Variants in ADAMTSL3 observed in about 807,000 individuals in gnomAD.
ADAMTSL3 encodes ADAMTS like 3, also known as ADAMTS-like protein 3.
In ADAMTSL3, 128 loss-of-function variants were observed where a neutral mutation model predicts 201.7. The ratio of observed to expected loss-of-function variants is 0.63; its 90% CI spans 0.55 to 0.73. The LOEUF is 0.73. ADAMTSL3 is among the 30% of genes least tolerant of loss of function. The pLI is 0.00. For synonymous variants in ADAMTSL3, 738 were observed against 748.4 expected (o/e 0.99, Z 0.23); for missense variants, 1,990 against 2,119.6 (o/e 0.94, Z 1.20).
chr15:84,020,557 C>T (rs1203768983), intron 25 of ADAMTSL3, among the ~76,000 whole-genome samples: 1 of 152,076 alleles, frequency 6.6e-6, no homozygotes, highest in Non-Finnish European at 1.5e-5. Flanking sequence ...CTTCAAAAAT[C>T]AGAAGGAAAA....
rs902022135 is a variant in ADAMTSL3 at position 83,790,965 on chromosome 15, G to T, written c.318-13685G>T. 4.6e-5 allele frequency among the ~76,000 whole-genome samples: 7 copies of T among 152,178 alleles called. No homozygotes were observed. The East Asian group carries it at 1.2e-3, about 25-fold the overall frequency. On this transcript the variant is annotated intron_variant, in intron 4 of 29. Coordinates refer to ENST00000286744, the MANE Select transcript of ADAMTSL3 (RefSeq NM_207517.3). ...AACAGAACATGTATAGGACTTGTACGCCTAATACTGCAATGTGCTAATGAA... is the reference window on the plus strand; with the variant it reads ...AACAGAACATGTATAGGACTTGTACTCCTAATACTGCAATGTGCTAATGAA...
chr15:83,812,735 A>G (rs950269761), intron 5 of ADAMTSL3, among the ~76,000 whole-genome samples: 2 of 152,238 alleles, frequency 1.3e-5, no homozygotes, highest in Non-Finnish European at 2.9e-5. Flanking sequence ...GTTGTTGTCT[A>G]TACGTGTTGA....
intron 4 of ADAMTSL3, among the ~76,000 whole-genome samples, chr15:83,786,269 G>A (rs1159834838): frequency 2.6e-5 from 4 of 152,056 alleles, no homozygotes; most frequent in Admixed American, 6.6e-5. Flanking sequence ...TAGCCACCAC[G>A]CCTGGTTTGA....
At chr15:83,711,538 C>T (rs189545176) in intron 3 of ADAMTSL3, among the ~76,000 whole-genome samples, 28 of 152,262 alleles carry the variant, frequency 1.8e-4, no homozygotes, top group Non-Finnish European at 2.2e-4. Flanking sequence ...TAAGTAATCT[C>T]GGTCAAATGT....
chr15:83,896,548 C>T (rs917497427), intron 13 of ADAMTSL3, among the ~76,000 whole-genome samples: 7 of 151,974 alleles, frequency 4.6e-5, no homozygotes, highest in Admixed American at 2.6e-4. Flanking sequence ...AGGGGTTCAT[C>T]GGTTGGAACA....
chr15:83,847,107 T>C (rs997436593), intron 7 of ADAMTSL3, among the ~76,000 whole-genome samples: 8 of 152,208 alleles, frequency 5.3e-5, no homozygotes, highest in Admixed American at 2.0e-4. Context: ...CATTTGCAGA[T>C]TGAGCAATCA....
At chr15:83,942,873 C>T (rs745415705) in intron 18 of ADAMTSL3, 30 bp from the exon 19 acceptor site, 1 of 1,606,964 alleles carries the variant, frequency 6.2e-7, no homozygotes, top group Admixed American at 1.7e-5. Context: ...TGGGCCAAGC[C>T]TGCCGCCTCA....
intron 4 of ADAMTSL3, among the ~76,000 whole-genome samples, chr15:83,789,705 T>C (rs1275070670): frequency 6.6e-6 from 1 of 152,184 alleles, no homozygotes; most frequent in Non-Finnish European, 1.5e-5. Flanking sequence ...TTGTATTTAA[T>C]CCCTGTTTTC....
Position 83,899,530 on chromosome 15 carries a change from T to TG in ADAMTSL3, c.1616-116dup, listed in dbSNP as rs1393832324. 9 of 969,886 alleles carry TG rather than the reference T, an allele frequency of 9.3e-6. No homozygotes were observed. In the African/African-American group the frequency reaches 1.5e-4, roughly 16 times the overall value. 60.1% of individuals were successfully genotyped at this position (969,886 alleles called of 1,614,324 possible). On this transcript the variant is annotated intron_variant, in intron 14 of 29. Coordinates refer to ENST00000286744, the MANE Select transcript of ADAMTSL3 (RefSeq NM_207517.3). ...ATGTATTGTACTAAGGAACTCAACT[T>TG]GCATTTGAAAAACATGACCTCTTTA...
intron 8 of ADAMTSL3, among the ~76,000 whole-genome samples, chr15:83,868,736 A>T (rs558240708): frequency 7.8e-4 from 119 of 152,234 alleles, no homozygotes; most frequent in Non-Finnish European, 1.6e-3. Context: ...TTAGTGGAGA[A>T]GCAGAGTGGT....
intron 4 of ADAMTSL3, among the ~76,000 whole-genome samples, chr15:83,781,651 A>G (rs2063170684): frequency 2.6e-5 from 4 of 152,182 alleles, no homozygotes; most frequent in African/African-American, 9.6e-5. Context: ...GAAACTATCA[A>G]TAGAGTGAAC....
intron 5 of ADAMTSL3, among the ~76,000 whole-genome samples, chr15:83,812,425 G>A (rs920883194): frequency 3.3e-5 from 5 of 152,134 alleles, no homozygotes; most frequent in African/African-American, 1.2e-4. Flanking sequence ...GTGATTCTAA[G>A]ATGAGGAGTT....
intron 3 of ADAMTSL3, among the ~76,000 whole-genome samples, chr15:83,742,999 G>C (rs951354721): frequency 2.0e-5 from 3 of 152,008 alleles, no homozygotes; most frequent in Admixed American, 1.3e-4. Flanking sequence ...ATATTTGCCT[G>C]TTTCTGTGTG....
In ADAMTSL3 at chr15:83,828,338, G is replaced by A. The variant is rs551967086; in HGVS notation, c.600+8291G>A. On this transcript the variant is annotated intron_variant, in intron 6 of 29. Transcript: ENST00000286744. ...TTTGGCTCTCTGTTAGTCTGTTATT[G>A]GTGTATAAGAATGCTTGTGATTTTT... 8.5e-5 allele frequency among the ~76,000 whole-genome samples: 13 copies of A among 152,254 alleles called. No individual in the cohort carries two copies. The East Asian group carries it at 1.9e-3, about 23-fold the overall frequency.
chr15:84,009,667 A>T (rs918818295), intron 23 of ADAMTSL3, among the ~76,000 whole-genome samples: 2 of 152,220 alleles, frequency 1.3e-5, no homozygotes, highest in African/African-American at 4.8e-5. Context: ...CTGTGCTTAC[A>T]TTCATAATTG....
At chr15:83,929,781 C>G (rs1304361761) in intron 17 of ADAMTSL3, among the ~76,000 whole-genome samples, 1 of 151,412 alleles carries the variant, frequency 6.6e-6, no homozygotes, top group African/African-American at 2.4e-5. Context: ...GAGACAGAGA[C>G]AGACACACAC....
At chr15:83,716,079 T>A (rs2062013786) in intron 3 of ADAMTSL3, among the ~76,000 whole-genome samples, 1 of 152,196 alleles carries the variant, frequency 6.6e-6, no homozygotes, top group Non-Finnish European at 1.5e-5. Flanking sequence ...GTCAGAACAA[T>A]CTAGAGTGAG....
intron 21 of ADAMTSL3, among the ~76,000 whole-genome samples, chr15:83,985,863 C>T (rs1272332470): frequency 6.6e-6 from 1 of 152,108 alleles, no homozygotes; most frequent in Non-Finnish European, 1.5e-5. Context: ...CTCCTGACCT[C>T]AAGTGATCCA....
Position 83,892,757 on chromosome 15 carries a change from G to A in ADAMTSL3, c.1336G>A (p.Val446Ile), listed in dbSNP as rs762843148. The change falls in exon 13 of 30, where the codon GTA (valine) becomes ATA (isoleucine). Residue 446 changes from valine to isoleucine, a missense_variant. Coordinates refer to ENST00000286744, the MANE Select transcript of ADAMTSL3 (RefSeq NM_207517.3). ...GGIQRRSFVC[V>I]EESMHGEILQ... ...GATTCAGAGACGGAGCTTTGTGTGT[G>A]TAGAGGAATCCATGCATGGAGAGAT... 6.2e-6 allele frequency: 10 copies of A among 1,614,016 alleles called. No individual in the cohort carries two copies. The highest frequency in any genetic ancestry group is 8.5e-6 in the Non-Finnish European group (10 of 1,180,018).
Sources: allele counts gnomAD v4.1 joint callset (sites outside exome capture counted in the v4.1 genomes callset), GRCh38; gene constraint gnomAD v4.1.1; transcripts MANE v1.5; gene names NCBI Gene and HGNC (gene_info 2026-07-23, HGNC 2026-07-21).